The following CDHR1 variants were observed in gnomAD, a reference collection of about 807,000 sequenced individuals.
CDHR1 encodes cadherin related family member 1.
A neutral mutation model predicts 72.1 loss-of-function variants in CDHR1; 61 were observed. The observed-to-expected ratio is 0.85, with a 90% CI of 0.69 to 1.05. The LOEUF (loss-of-function observed/expected upper bound fraction) is 1.05. Among genes scored for constraint, CDHR1 ranks in the 50% least tolerant of loss-of-function variants. The pLI is 0.00. For missense variants in CDHR1, 1,186 were observed against 1,115.7 expected (o/e 1.06, Z -0.90); for synonymous variants, 470 against 448.1 (o/e 1.05, Z -0.62).
At position 84,213,185 on chromosome 10, in the gene CDHR1, C is replaced by A. The variant is rs143024855; in HGVS notation, c.1877C>A (p.Thr626Lys). The A allele has an allele frequency of 3.3e-5, 54 of 1,614,134 alleles. No homozygotes were observed. Among genetic ancestry groups the A allele is most frequent in the Non-Finnish European group, 4.3e-5 (51 of 1,180,064 alleles). Residue 626 changes from threonine to lysine, a missense_variant, in exon 16 of 17, where the codon ACG becomes AAG. Coordinates refer to ENST00000623527, the MANE Select transcript of CDHR1 (RefSeq NM_033100.4). ...AACGTGTTCGACATCAATTCCCACA[C>A]GGGGGAGATCTGGCTCAAGAATTCC... is the stretch of plus-strand genomic sequence containing the variant. Reference protein sequence around the residue: ...PANVFDINSHTGEIWLKNSIR... With the variant: ...PANVFDINSHKGEIWLKNSIR...
rs1564656284 is a variant in CDHR1 at position 84,197,824 on chromosome 10, T to C, written c.336T>C (p.Asp112=). ...TTGAAGCCATCATCAGCATTTCTGA[T>C]GGCCTGAATCTGGTGAGTGCACGTC... The part of the protein sequence containing the change: ...DEIEAIISIS[D]GLNLVAEKVV... The change falls in exon 4 of 17, where the codon GAT becomes GAC. Residue 112 remains aspartate (D), a synonymous_variant. Coordinates refer to ENST00000623527, the MANE Select transcript of CDHR1 (RefSeq NM_033100.4). 6.2e-7 allele frequency: 1 copy of C among 1,613,990 alleles called. No homozygotes were observed. Among genetic ancestry groups the C allele is most frequent in the East Asian group, 2.2e-5 (1 of 44,864 alleles).
intron 12 of CDHR1, among the ~76,000 whole-genome samples, chr10:84,210,344 A>C (rs7895139): frequency 0.59 from 89,721 of 151,930 alleles, 27,741 homozygotes; most frequent in African/African-American, 0.79. Flanking sequence ...TGGCTCACTG[A>C]AAACTCTGCC....
Position 84,211,169 on chromosome 10 carries a change from G to A in CDHR1, c.1485+4G>A. 6.2e-7 allele frequency: 1 copy of A among 1,614,208 alleles called. No homozygotes were observed. The highest frequency in any genetic ancestry group is 1.7e-5 in the Admixed American group (1 of 60,032). On this transcript the variant is annotated splice_donor_region_variant and intron_variant, in intron 13 of 16. Transcript: ENST00000623527. Reference sequence around the variant, plus strand: ...CTCCAGCGTGGTGGCTGTCACAGTGGGTTGGGCACTGGCCCAGGGACTGGG... The same window carrying A: ...CTCCAGCGTGGTGGCTGTCACAGTGAGTTGGGCACTGGCCCAGGGACTGGG...
chr10:84,201,788 T>C lies in CDHR1; in HGVS notation c.526-19T>C, dbSNP rs1842128994. On this transcript the variant is annotated intron_variant, in intron 6 of 16. Coordinates refer to ENST00000623527, the MANE Select transcript of CDHR1 (RefSeq NM_033100.4). ...GCCTGCATTCTTGCTGAGGTCCAGC[T>C]GCCCCCTAATTCTTATAGAACCTGC... The C allele has an allele frequency of 6.2e-7, 1 of 1,601,032 alleles. No homozygotes were observed. Among genetic ancestry groups the C allele is most frequent in the Non-Finnish European group, 8.5e-7 (1 of 1,173,220 alleles).
chr10:84,212,864 C>T, intron 15 of CDHR1: 1 of 617,940 alleles, frequency 1.6e-6, no homozygotes, highest in Non-Finnish European at 2.9e-6. Context: ...TATTTGCTTC[C>T]TAGACTTGTT....
At position 84,201,827 on chromosome 10, in the gene CDHR1, C is replaced by A. The variant is rs747165743; in HGVS notation, c.546C>A (p.Ala182=). Residue 182 remains alanine (A), a synonymous_variant, in exon 7 of 17, where the codon GCC becomes GCA. Coordinates refer to ENST00000623527, the MANE Select transcript of CDHR1 (RefSeq NM_033100.4). The part of the protein sequence containing the change: ...YFLQNLHSPF[A]VDRHSGVLRL... The stretch of plus-strand genomic sequence containing the variant: ...TATAGAACCTGCACTCCCCATTTGC[C>A]GTGGACCGCCACAGCGGTGTGCTGC... 1 of 1,610,498 alleles carries A rather than the reference C, an allele frequency of 6.2e-7. No individual in the cohort carries two copies. The highest frequency in any genetic ancestry group is 1.7e-5 in the Admixed American group (1 of 60,026).
rs567819790 is a variant in CDHR1 at position 84,197,675 on chromosome 10, C to T, written c.298-111C>T. On this transcript the variant is annotated intron_variant, in intron 3 of 16. Coordinates refer to ENST00000623527, the MANE Select transcript of CDHR1 (RefSeq NM_033100.4). The stretch of plus-strand genomic sequence containing the variant: ...ACCCTGCTCCAGGGATCTATTGGCA[C>T]GCCCAGACCTCCTCTGATGGGTGCG... 3.3e-4 allele frequency: 332 copies of T among 1,000,426 alleles called. No individual in the cohort carries two copies. The African/African-American group carries it at 3.7e-3, about 11-fold the overall frequency. The allele number at this position is 1,000,426 out of a possible 1,614,324, so 62.0% of individuals were successfully genotyped here.
downstream of CDHR1, chr10:84,219,253 C>G (rs771233990): frequency 1.1e-5 from 17 of 1,550,696 alleles, no homozygotes; most frequent in Non-Finnish European, 1.5e-5. Context: ...TAGAGTTTTT[C>G]AAGGGGCAGC....
At chr10:84,202,078 A>T (rs1391399671) in intron 7 of CDHR1, among the ~76,000 whole-genome samples, 158 bp downstream of exon 7, 1 of 152,114 alleles carries the variant, frequency 6.6e-6, no homozygotes, top group African/African-American at 2.4e-5. Context: ...CTGCCTGGAC[A>T]TATTCTCCAG....
rs368687392 is a variant in CDHR1, at chr10:84,202,281, A to G, written c.639+361A>G. ...CCACCTCCTCCTCTCTGTGTGCCCA[A>G]TCACCCCTTCTGAGCCTCAGTTTCC... On this transcript the variant is annotated intron_variant, in intron 7 of 16. Transcript: ENST00000623527. Among the ~76,000 whole-genome samples, 7 of 152,138 alleles carry G rather than the reference A, an allele frequency of 4.6e-5. No homozygotes were observed. The South Asian group carries it at 6.2e-4, about 14-fold the overall frequency.
chr10:84,200,759 C>A, intron 6 of CDHR1, 72 bp downstream of exon 6: 1 of 1,045,686 alleles, frequency 9.6e-7, no homozygotes, highest in Non-Finnish European at 1.5e-6. Flanking sequence ...CTACCTCCAT[C>A]GCCCCAGGCC....
At chr10:84,212,459 C>A in intron 15 of CDHR1, 52 bp downstream of exon 15, 3 of 1,427,424 alleles carry the variant, frequency 2.1e-6, no homozygotes, top group Non-Finnish European at 3.0e-6. Context: ...CCAGCAGCTC[C>A]AAGAGATACT....
Position 84,195,532 on chromosome 10 carries a change from G to C in CDHR1, c.94G>C (p.Val32Leu). The change falls in exon 2 of 17, where the codon GTC (valine) becomes CTC (leucine). Residue 32 changes from valine to leucine, a missense_variant. Coordinates refer to ENST00000623527, the MANE Select transcript of CDHR1 (RefSeq NM_033100.4). ...CGCCCCGCACTTCTTCGACAACGGG[G>C]TCGGCAGCACCAACGGAAACATGGC... ...NFAPHFFDNG[V>L]GSTNGNMALF... is the part of the protein sequence containing the mutation. 2 of 1,614,156 alleles carry C rather than the reference G, an allele frequency of 1.2e-6. No individual in the cohort carries two copies. Among genetic ancestry groups the C allele is most frequent in the Non-Finnish European group, 1.7e-6 (2 of 1,180,000 alleles).
At chr10:84,202,865 G>A (rs1842152094) in intron 7 of CDHR1, 115 bp from the exon 8 acceptor site, 1 of 1,136,784 alleles carries the variant, frequency 8.8e-7, no homozygotes, top group East Asian at 2.4e-5. Context: ...CAGAAACTTG[G>A]AGAGGACAGC....
downstream of CDHR1, chr10:84,219,426 C>T (rs1325269939): frequency 7.8e-7 from 1 of 1,284,032 alleles, no homozygotes; most frequent in African/African-American, 1.5e-5. Flanking sequence ...GCCCTTCTCT[C>T]ATCCTGACCC....
chr10:84,216,632 G>A lies in CDHR1; in HGVS notation c.*2011G>A. 1.0e-6 allele frequency: 1 copy of A among 985,484 alleles called. No individual in the cohort carries two copies. Among genetic ancestry groups the A allele is most frequent in the Non-Finnish European group, 1.2e-6 (1 of 829,948 alleles). The allele number at this position is 985,484 out of a possible 1,614,324, so 61.0% of individuals were successfully genotyped here. A position where few individuals can be genotyped will look rare whatever the true frequency, so the allele number is the denominator to read the frequency against. On this transcript the variant is annotated 3_prime_UTR_variant, in exon 17 of 17. Coordinates refer to ENST00000623527, the MANE Select transcript of CDHR1 (RefSeq NM_033100.4). ...ACTTGCCTCCTGGCTGCTTCAGCAG[G>A]TGGATCCATTCTTCGACCCCCAGAT...
chr10:84,219,012 A>C, downstream of CDHR1: 1 of 675,292 alleles, frequency 1.5e-6, no homozygotes, highest in Non-Finnish European at 2.5e-6. Flanking sequence ...CCTATGAGGT[A>C]AGGACTGTTA....
At chr10:84,213,427 G>A (rs1842373829) in intron 16 of CDHR1, 79 bp downstream of exon 16, 2 of 1,581,482 alleles carry the variant, frequency 1.3e-6, no homozygotes, top group East Asian at 2.2e-5. Context: ...AGAGCGAGAA[G>A]GACCATCTCC....
intron 10 of CDHR1, among the ~76,000 whole-genome samples, chr10:84,207,373 G>A (rs1028177320): frequency 4.6e-5 from 7 of 152,042 alleles, no homozygotes; most frequent in African/African-American, 1.5e-4. Flanking sequence ...AGGAGAAAGA[G>A]TAGCAGTGCC....
Sources: gnomAD v4.1 joint callset for allele counts (sites outside exome capture counted in the v4.1 genomes callset) on GRCh38, gnomAD v4.1.1 for gene constraint, MANE v1.5 for transcripts, NCBI Gene and HGNC (gene_info 2026-07-23, HGNC 2026-07-21) for gene names.